CTNNA3: variants seen among roughly 807,000 people sequenced by gnomAD.
CTNNA3 encodes catenin alpha-3.
CTNNA3 carries 76 observed loss-of-function variants against 95.7 expected under a neutral mutation model. The ratio of observed to expected loss-of-function variants is 0.79; its 90% CI spans 0.66 to 0.96. The LOEUF is 0.96. Ranked by LOEUF, CTNNA3 falls within the 40% of genes least tolerant of loss-of-function variation. The pLI is 0.00. For missense variants in CTNNA3, 1,191 were observed against 1,089.8 expected (o/e 1.09, Z -1.31); for synonymous variants, 431 against 374.4 (o/e 1.15, Z -1.74).
chr10:65,995,804 G>C (rs2078644818), intron 15 of CTNNA3, among the ~76,000 whole-genome samples: 1 of 152,162 alleles, frequency 6.6e-6, no homozygotes, highest in Non-Finnish European at 1.5e-5. Context: ...CTGCGCTTAA[G>C]CACCTGAAAT....
In CTNNA3 at chr10:67,605,701, G is replaced by A. The variant is rs900905613; in HGVS notation, c.292+1156C>T. 6.0e-5 allele frequency among the ~76,000 whole-genome samples: 9 copies of A among 150,876 alleles called. No individual in the cohort carries two copies. The South Asian group carries it at 1.2e-3, about 21-fold the overall frequency. ...ATACAAAAATTTTTTTTTTTGAGACGAAGTCTCGCTCTTGTCCCCCAGGCT... is the reference window on the plus strand; with the variant it reads ...ATACAAAAATTTTTTTTTTTGAGACAAAGTCTCGCTCTTGTCCCCCAGGCT... On this transcript the variant is annotated intron_variant, in intron 3 of 17. Coordinates refer to ENST00000433211, the MANE Select transcript of CTNNA3 (RefSeq NM_013266.4).
chr10:65,929,841 C>T (rs532570146), intron 17 of CTNNA3, among the ~76,000 whole-genome samples: 2 of 152,054 alleles, frequency 1.3e-5, no homozygotes, highest in African/African-American at 4.8e-5. Flanking sequence ...TGTTAGGATA[C>T]AGGTGTGAGC....
chr10:66,006,965 CTTG>C (rs1039156184), intron 15 of CTNNA3, among the ~76,000 whole-genome samples: 1 of 152,144 alleles, frequency 6.6e-6, no homozygotes, highest in African/African-American at 2.4e-5. Flanking sequence ...AGTCTCAGGC[CTTG>C]TTGTTGTTTC....
intron 13 of CTNNA3, among the ~76,000 whole-genome samples, chr10:66,256,722 A>C (rs948726541): frequency 1.1e-5 from 1 of 94,116 alleles, no homozygotes; most frequent in South Asian, 2.4e-4. Flanking sequence ...ACATTGTCTC[A>C]AAAAAAAAAA....
At chr10:66,597,210 G>A in intron 10 of CTNNA3, among the ~76,000 whole-genome samples, 1 of 151,734 alleles carries the variant, frequency 6.6e-6, no homozygotes, top group Non-Finnish European at 1.5e-5. Flanking sequence ...GCTGCATTAT[G>A]GGAGCCCTAT....
rs75211606 is a variant in CTNNA3 at position 66,725,699 on chromosome 10, C to T, written c.1281+40565G>A. 6.7e-3 allele frequency among the ~76,000 whole-genome samples: 1,024 copies of T among 152,080 alleles called. 14 individuals are homozygous for T. Among genetic ancestry groups the T allele is most frequent in the African/African-American group, 0.023 (966 of 41,510 alleles). On this transcript the variant is annotated intron_variant, in intron 9 of 17. Transcript: ENST00000433211. ...AAGATTCAAATATGTTTGAGCTATACGAAGTACATGATAATGTAATGTTGA... is the reference window on the plus strand; with the variant it reads ...AAGATTCAAATATGTTTGAGCTATATGAAGTACATGATAATGTAATGTTGA...
intron 7 of CTNNA3, among the ~76,000 whole-genome samples, chr10:66,917,197 A>G (rs185285865): frequency 6.6e-6 from 1 of 152,326 alleles, no homozygotes; most frequent in Admixed American, 6.5e-5. Flanking sequence ...TCATTGAATA[A>G]ACAAGTTAAT....
intron 3 of CTNNA3, among the ~76,000 whole-genome samples, chr10:67,595,046 G>A (rs904377079): frequency 3.3e-5 from 5 of 152,128 alleles, no homozygotes; most frequent in Non-Finnish European, 5.9e-5. Context: ...CCAAGTTGCT[G>A]TGAATGTCAT....
chr10:67,394,931 A>G (rs543728281), intron 5 of CTNNA3, among the ~76,000 whole-genome samples: 1 of 152,284 alleles, frequency 6.6e-6, no homozygotes, highest in East Asian at 1.9e-4. Flanking sequence ...CAAAGATGTC[A>G]AAAACATGAT....
At chr10:66,831,342 T>G (rs1842713782) in intron 7 of CTNNA3, among the ~76,000 whole-genome samples, 1 of 152,220 alleles carries the variant, frequency 6.6e-6, no homozygotes, top group Non-Finnish European at 1.5e-5. Context: ...CAGGCTTCAC[T>G]CGTTCTGACT....
chr10:66,464,584 G>A (rs1046303508), intron 11 of CTNNA3, among the ~76,000 whole-genome samples: 3 of 151,946 alleles, frequency 2.0e-5, no homozygotes, highest in Non-Finnish European at 4.4e-5. Context: ...CCAACATGGT[G>A]AAACCCCATC....
chr10:66,190,120 C>T (rs2086590698), intron 13 of CTNNA3, among the ~76,000 whole-genome samples: 1 of 152,128 alleles, frequency 6.6e-6, no homozygotes, highest in Admixed American at 6.6e-5. Flanking sequence ...CACAGTAACA[C>T]ATTGTAATCA....
chr10:65,980,258 C>G (rs936616363), intron 16 of CTNNA3, among the ~76,000 whole-genome samples: 1 of 151,750 alleles, frequency 6.6e-6, no homozygotes, highest in African/African-American at 2.4e-5. Flanking sequence ...ATATATAACC[C>G]TCTTAGATTA....
At chr10:66,572,804 C>T (rs1313261655) in intron 10 of CTNNA3, among the ~76,000 whole-genome samples, 1 of 152,172 alleles carries the variant, frequency 6.6e-6, no homozygotes, top group Non-Finnish European at 1.5e-5. Context: ...CTTCTGTGTG[C>T]TGTGTGACTC....
intron 5 of CTNNA3, among the ~76,000 whole-genome samples, chr10:67,276,160 A>C (rs1244228605): frequency 2.0e-5 from 3 of 152,146 alleles, no homozygotes; most frequent in Admixed American, 2.0e-4. Flanking sequence ...ATCATCCTCA[A>C]AATTTTACAA....
chr10:67,410,303 T>TAATA (rs916047841), intron 5 of CTNNA3, among the ~76,000 whole-genome samples: 1 of 151,962 alleles, frequency 6.6e-6, no homozygotes, highest in Non-Finnish European at 1.5e-5. Context: ...AGCTAAATGA[T>TAATA]AATAACACAT....
At chr10:67,297,448 T>C (rs898109391) in intron 5 of CTNNA3, among the ~76,000 whole-genome samples, 3 of 152,192 alleles carry the variant, frequency 2.0e-5, no homozygotes, top group African/African-American at 7.2e-5. Flanking sequence ...CTGGAAGGAT[T>C]TCCCTTCCCA....
At chr10:66,879,762 G>A (rs1844773811) in intron 7 of CTNNA3, among the ~76,000 whole-genome samples, 2 of 152,074 alleles carry the variant, frequency 1.3e-5, no homozygotes, top group Non-Finnish European at 2.9e-5. Flanking sequence ...AAGGCAGAGT[G>A]AAAATTATGA....
At chr10:67,457,034 G>A (rs1847199010) in intron 5 of CTNNA3, among the ~76,000 whole-genome samples, 1 of 152,124 alleles carries the variant, frequency 6.6e-6, no homozygotes, top group Non-Finnish European at 1.5e-5. Context: ...CAGTTGCAGT[G>A]TTTCAGAGAG....
Sources: allele counts gnomAD v4.1 joint callset (sites outside exome capture counted in the v4.1 genomes callset), GRCh38; gene constraint gnomAD v4.1.1; transcripts MANE v1.5; gene names NCBI Gene and HGNC (gene_info 2026-07-23, HGNC 2026-07-21).